Variants in PNCK observed in about 807,000 individuals in gnomAD.
PNCK encodes the protein pregnancy up-regulated nonubiquitous CaM kinase, also known as calcium/calmodulin-dependent protein kinase type 1B.
Under a neutral mutation model 28.3 loss-of-function variants are expected in PNCK, and 21 were observed. The ratio of observed to expected loss-of-function variants is 0.74; its 90% CI spans 0.53 to 1.07. The LOEUF is 1.07. Ranked by LOEUF, PNCK falls within the 50% of genes least tolerant of loss-of-function variation. The probability of loss-of-function intolerance (pLI) is 0.00; values close to 1 mark genes in which losing one functional copy is unlikely to be tolerated. For synonymous variants in PNCK, 136 were observed against 125.2 expected, an observed-to-expected ratio of 1.09 and a Z score of -0.58; for missense variants, 250 against 298.3, an observed-to-expected ratio of 0.84 and a Z score of 1.19.
chrX:153,670,970 C>T lies in PNCK; in HGVS notation c.754G>A (p.Glu252Lys), dbSNP rs1557039562. The T allele has an allele frequency of 1.7e-6, 2 of 1,210,552 alleles. No individual in the cohort carries two copies. ...GTGAACCTCTTCTGGGGGTCTCGCT[C>T]CAGAAGGTGCCGGATGAAGTCTTTG... ...SAKDFIRHLL[E>K]RDPQKRFTCQ... is the part of the protein sequence containing the mutation. Residue 252 changes from glutamate to lysine, a missense_variant, in exon 9 of 12, where the codon GAG (glutamate) becomes AAG (lysine). Transcript: ENST00000340888.
chrX:153,671,487 C>T (rs781854027), intron 6 of PNCK, 62 bp downstream of exon 6: 39 of 1,209,127 alleles, frequency 3.2e-5, no homozygotes, highest in Non-Finnish European at 3.6e-5. Flanking sequence ...ACAGCCTTCC[C>T]GGCTGTCTAG....
chrX:153,683,683 C>T (rs1240708563), intron 1 of PNCK, among the ~76,000 whole-genome samples: 1 of 111,693 alleles, frequency 9.0e-6, no homozygotes, highest in African/African-American at 3.3e-5. Context: ...TGTGAGCCAC[C>T]GCACCCAGCC....
Position 153,671,163 on chromosome X carries a change from G to A in PNCK, c.642C>T (p.Asp214=), listed in dbSNP as rs782262921. 12 of 1,210,044 alleles carry A rather than the reference G, an allele frequency of 9.9e-6. No homozygotes were observed. The highest frequency in any genetic ancestry group is 7.0e-5 in the South Asian group (4 of 56,838). The change falls in exon 8 of 12, where the codon GAC becomes GAT. Residue 214 remains aspartate (D), a synonymous_variant. Coordinates refer to ENST00000340888, the MANE Select transcript of PNCK (RefSeq NM_001366977.1). Reference sequence around the variant, plus strand: ...GGCTGAAGAGCTCAGGGTCGCTCTCGTCGTAGAAGGGGGGGTACCCACACA... The same window carrying A: ...GGCTGAAGAGCTCAGGGTCGCTCTCATCGTAGAAGGGGGGGTACCCACACA... ...ILLCGYPPFY[D]ESDPELFSQI...
chrX:153,681,259 C>T (rs2148351345), intron 1 of PNCK, among the ~76,000 whole-genome samples: 1 of 110,755 alleles, frequency 9.0e-6, no homozygotes, highest in African/African-American at 3.3e-5. Context: ...TGTGTAGATA[C>T]TGCCCCTCCA....
intron 6 of PNCK, 25 bp downstream of exon 6, chrX:153,671,524 C>G (rs1334577000): frequency 8.3e-7 from 1 of 1,210,335 alleles, no homozygotes; most frequent in Admixed American, 2.2e-5. Context: ...CCACTCCCAG[C>G]AAGCCTCAGG....
intron 1 of PNCK, among the ~76,000 whole-genome samples, chrX:153,685,805 G>T (rs1441695095): frequency 8.8e-6 from 1 of 113,516 alleles, no homozygotes; most frequent in Non-Finnish European, 1.9e-5. Flanking sequence ...AGAGAATGCA[G>T]TTTGGGGTCT....
intron 1 of PNCK, 151 bp from the exon 2 acceptor site, chrX:153,673,229 C>T (rs781980585): frequency 1.7e-6 from 2 of 1,198,176 alleles, no homozygotes; most frequent in Non-Finnish European, 2.2e-6. Flanking sequence ...CACCCCCAGA[C>T]GGACGCCTCC....
upstream of PNCK, chrX:153,674,095 GCT>G: frequency 8.3e-7 from 1 of 1,210,451 alleles, no homozygotes; most frequent in Non-Finnish European, 1.1e-6. Flanking sequence ...GGTCGGCAAG[GCT>G]CTCTGCCTTC....
At chrX:153,674,514 T>G, upstream of PNCK, 1 of 171,659 alleles carries the variant, frequency 5.8e-6, no homozygotes. Context: ...TGGCTCCTCG[T>G]TCCATCAGAT....
At chrX:153,684,170 G>A (rs1731744936) in intron 1 of PNCK, among the ~76,000 whole-genome samples, 1 of 112,336 alleles carries the variant, frequency 8.9e-6, no homozygotes, top group South Asian at 3.7e-4. Flanking sequence ...AAACAGTTTG[G>A]AGGGTAAATG....
At chrX:153,670,342 T>C in intron 11 of PNCK, 108 bp downstream of exon 11, 1 of 1,085,307 alleles carries the variant, frequency 9.2e-7, no homozygotes, top group Non-Finnish European at 1.2e-6. Context: ...TTCAGTCCTC[T>C]GGCCTGTGGG....
At chrX:153,685,373 C>T (rs1429709131) in intron 1 of PNCK, among the ~76,000 whole-genome samples, 20 of 110,985 alleles carry the variant, frequency 1.8e-4, no homozygotes, top group African/African-American at 5.6e-4. Context: ...TGTCACTGGC[C>T]GCCCGGGTCA....
At chrX:153,677,506 T>TA (rs1230432388), upstream of PNCK, among the ~76,000 whole-genome samples, 2 of 108,036 alleles carry the variant, frequency 1.9e-5, no homozygotes, top group Non-Finnish European at 3.8e-5. Context: ...AGCAAGAACT[T>TA]ATAGTGTGTG....
In PNCK at chrX:153,671,951, G is replaced by A. The variant is rs782581121; in HGVS notation, c.343C>T (p.His115Tyr). The A allele has an allele frequency of 8.3e-7, 1 of 1,210,812 alleles. No individual in the cohort carries two copies. Among genetic ancestry groups the A allele is most frequent in the Non-Finnish European group, 1.1e-6 (1 of 895,408 alleles). ...GCGCCAAGGACCTGACCCACCAGAT[G>A]GCTGGCATCCTTCTCTGTGTAGGAG... ...RGSYTEKDASHLVGQVLGAVS... is the reference protein window; with the variant it reads ...RGSYTEKDASYLVGQVLGAVS... Residue 115 changes from histidine to tyrosine, a missense_variant, in exon 5 of 12, where the codon CAT (histidine) becomes TAT (tyrosine). Physicochemically the swap from His to Tyr is moderately conservative, Grantham distance 83. Transcript: ENST00000340888.
At chrX:153,682,849 C>T (rs1370512230) in intron 1 of PNCK, among the ~76,000 whole-genome samples, 3 of 112,490 alleles carry the variant, frequency 2.7e-5, no homozygotes, top group Admixed American at 1.9e-4. Flanking sequence ...TATCCCAAAA[C>T]CTATAAGAAC....
At chrX:153,683,131 G>GATTT (rs1305308590) in intron 1 of PNCK, among the ~76,000 whole-genome samples, 1 of 112,113 alleles carries the variant, frequency 8.9e-6, no homozygotes, top group Non-Finnish European at 1.9e-5. Flanking sequence ...TGAAGGCTGG[G>GATTT]ATTTATTTAT....
At chrX:153,672,814 G>A in intron 2 of PNCK, 117 bp from the exon 3 acceptor site, 2 of 960,442 alleles carry the variant, frequency 2.1e-6, no homozygotes, top group Non-Finnish European at 1.4e-6. Context: ...GCCCTACCTG[G>A]CCCTGTGCCA....
chrX:153,672,608 C>T lies in PNCK; in HGVS notation c.158G>A (p.Gly53Asp), dbSNP rs1557040340. The T allele has an allele frequency of 2.5e-6, 3 of 1,206,637 alleles. No homozygotes were observed. The highest frequency in any genetic ancestry group is 1.8e-5 in the South Asian group (1 of 56,917). The change falls in exon 3 of 12, where the codon GGC becomes GAC. Residue 53 changes from glycine (G) to aspartate (D), a missense_variant. By Grantham distance (94) the Gly-to-Asp change is moderately conservative. Transcript: ENST00000340888. The stretch of plus-strand genomic sequence containing the variant: ...CTCGTTCTCCACCAGGGCCTCCTTG[C>T]CCCGGAGGGCCTTCTTGGGGATGCA... ...LKCIPKKALR[G>D]KEALVENEIA...
upstream of PNCK, among the ~76,000 whole-genome samples, chrX:153,678,792 T>G (rs782010016): frequency 9.1e-6 from 1 of 110,069 alleles, no homozygotes; most frequent in South Asian, 4.0e-4. Context: ...CCAAGCACGA[T>G]CCCCTCTCTC....
Sources: gnomAD v4.1 joint callset for allele counts (sites outside exome capture counted in the v4.1 genomes callset) on GRCh38, gnomAD v4.1.1 for gene constraint, MANE v1.5 for transcripts, NCBI Gene and HGNC (gene_info 2026-07-23, HGNC 2026-07-21) for gene names.